The following BRAF variants were observed in gnomAD, a reference collection of about 807,000 sequenced individuals.
The protein encoded by BRAF is B-Raf proto-oncogene, serine/threonine kinase, also known as serine/threonine-protein kinase B-raf.
Under a neutral mutation model 104.6 loss-of-function variants are expected in BRAF, and 16 were observed. That is an observed-to-expected ratio of 0.15 (90% CI 0.10 to 0.23). BRAF has a LOEUF of 0.23. Among genes scored for constraint, BRAF ranks in the 10% least tolerant of loss-of-function variants. The pLI is 1.00. For synonymous variants in BRAF, 310 were observed against 341.6 expected (o/e 0.91, Z 1.02); for missense variants, 541 against 937.3 (o/e 0.58, Z 5.52).
intron 3 of BRAF, among the ~76,000 whole-genome samples, chr7:140,810,240 A>C (rs1469833347): frequency 6.6e-6 from 1 of 152,038 alleles, no homozygotes; most frequent in East Asian, 1.9e-4. Context: ...ATGACCAGAA[A>C]TAACAGGACG....
At chr7:140,853,017 T>G (rs1809352338) in intron 1 of BRAF, among the ~76,000 whole-genome samples, 1 of 152,206 alleles carries the variant, frequency 6.6e-6, no homozygotes, top group Non-Finnish European at 1.5e-5. Context: ...CACCCTGGTC[T>G]AAGCCACCTT....
At position 140,721,628 on chromosome 7, in the gene BRAF, G is replaced by C. The variant is rs1243970313; in HGVS notation, c.*4866C>G. 5 of 1,535,796 alleles carry C rather than the reference G, an allele frequency of 3.3e-6. No homozygotes were observed. The highest frequency in any genetic ancestry group is 4.4e-6 in the Non-Finnish European group (5 of 1,146,724). ...AAGCTACAAATCATCACCTGAGGCA[G>C]AGATGCTACTACCCTCTTCTGGGGC... On this transcript the variant is annotated 3_prime_UTR_variant, in exon 20 of 20. Coordinates refer to ENST00000644969, the MANE Select transcript of BRAF (RefSeq NM_001374258.1).
At chr7:140,742,478 AC>A in intron 17 of BRAF, among the ~76,000 whole-genome samples, 1 of 152,192 alleles carries the variant, frequency 6.6e-6, no homozygotes, top group South Asian at 2.1e-4. Flanking sequence ...ACAGGTGTGA[AC>A]CACCACGCCC....
At chr7:140,840,024 C>A (rs1025659557) in intron 2 of BRAF, among the ~76,000 whole-genome samples, 2 of 152,190 alleles carry the variant, frequency 1.3e-5, no homozygotes, top group Non-Finnish European at 2.9e-5. Context: ...CTCATTTCTG[C>A]CCCCGTGTAG....
intron 3 of BRAF, chr7:140,834,093 C>T (rs1025684946): frequency 6.0e-6 from 1 of 167,526 alleles, no homozygotes; most frequent in African/African-American, 2.4e-5. Context: ...TTATAGACCA[C>T]CCACAATAAT....
At chr7:140,736,046 G>A (rs1056599332) in intron 18 of BRAF, among the ~76,000 whole-genome samples, 5 of 150,554 alleles carry the variant, frequency 3.3e-5, no homozygotes, top group African/African-American at 1.2e-4. Context: ...GATAACCACT[G>A]TTAGAGTCTA....
intron 14 of BRAF, among the ~76,000 whole-genome samples, chr7:140,774,360 TAA>T (rs2129016470): frequency 6.6e-6 from 1 of 152,352 alleles, no homozygotes; most frequent in Admixed American, 6.5e-5. Context: ...TCCCAAACTG[TAA>T]AGTGATATTT....
rs1586019570 is a variant in BRAF at position 140,754,366 on chromosome 7, C to A, written c.1815-133G>T. ...ACTGAAAATAGTACATTGTAATAAA[C>A]CCTTCACAGAATATTAAAATAGACT... On this transcript the variant is annotated intron_variant, in intron 14 of 19. Coordinates refer to ENST00000644969, the MANE Select transcript of BRAF (RefSeq NM_001374258.1). 17 of 760,460 alleles carry A rather than the reference C, an allele frequency of 2.2e-5. 1 individual carries two copies. The highest frequency in any genetic ancestry group is 1.3e-4 in the South Asian group (9 of 68,494). The allele number at this position is 760,460 out of a possible 1,614,324, so 47.1% of individuals were successfully genotyped here.
Position 140,723,156 on chromosome 7 carries a change from G to C in BRAF, c.*3338C>G, listed in dbSNP as rs1241888015. On this transcript the variant is annotated 3_prime_UTR_variant, in exon 20 of 20. Coordinates refer to ENST00000644969, the MANE Select transcript of BRAF (RefSeq NM_001374258.1). The stretch of plus-strand genomic sequence containing the variant: ...CTAGAGATGAGGTTTGCAAGCAGCT[G>C]GCGGGTGGATGTACAGTGGGGACAG... The C allele has an allele frequency of 4.7e-6, 5 of 1,052,906 alleles. No homozygotes were observed. Among genetic ancestry groups the C allele is most frequent in the Non-Finnish European group, 5.7e-6 (5 of 871,806 alleles). The allele number at this position is 1,052,906 out of a possible 1,614,324, so 65.2% of individuals were successfully genotyped here. A position where few individuals can be genotyped will look rare whatever the true frequency, so the allele number is the denominator to read the frequency against.
intron 1 of BRAF, among the ~76,000 whole-genome samples, chr7:140,897,996 C>T (rs1221807876): frequency 6.6e-6 from 1 of 152,034 alleles, no homozygotes; most frequent in Non-Finnish European, 1.5e-5. Context: ...AGCCAGGAGT[C>T]GAGACCAGCC....
At chr7:140,852,386 C>A (rs370701249) in intron 1 of BRAF, among the ~76,000 whole-genome samples, 1 of 139,212 alleles carries the variant, frequency 7.2e-6, no homozygotes, top group South Asian at 2.4e-4. Context: ...ACCCCACAAC[C>A]TGCCAAAAAA....
intron 1 of BRAF, among the ~76,000 whole-genome samples, chr7:140,902,165 TGC>T (rs1217134825): frequency 6.6e-6 from 1 of 152,246 alleles, no homozygotes; most frequent in Non-Finnish European, 1.5e-5. Context: ...CAACAGCATA[TGC>T]TCACTTCATG....
At chr7:140,866,931 GA>G (rs374579589) in intron 1 of BRAF, among the ~76,000 whole-genome samples, 4,201 of 150,734 alleles carry the variant, frequency 0.028, 204 homozygotes, top group African/African-American at 0.095. Context: ...TGCATTCAAT[GA>G]AAAAAAAATC....
intron 1 of BRAF, among the ~76,000 whole-genome samples, chr7:140,908,989 C>CTTTTTTTTT (rs1224922004): frequency 1.7e-5 from 2 of 120,182 alleles, no homozygotes; most frequent in Non-Finnish European, 1.8e-5. Context: ...TCTACGTTTT[C>CTTTTTTTTT]TTTTTTTTTT....
intron 2 of BRAF, among the ~76,000 whole-genome samples, chr7:140,839,287 C>T (rs1807675480): frequency 6.6e-6 from 1 of 152,128 alleles, no homozygotes; most frequent in South Asian, 2.1e-4. Context: ...CCTGACTGGG[C>T]AACATAGACT....
intron 17 of BRAF, among the ~76,000 whole-genome samples, chr7:140,744,443 T>A (rs1797185477): frequency 6.6e-6 from 1 of 152,238 alleles, no homozygotes; most frequent in Admixed American, 6.5e-5. Flanking sequence ...TGATCTGTAT[T>A]CTTTCATTGT....
At position 140,721,180 on chromosome 7, in the gene BRAF, G is replaced by T; in HGVS notation, c.*5314C>A. 9.4e-7 allele frequency: 1 copy of T among 1,067,662 alleles called. No homozygotes were observed. Among genetic ancestry groups the T allele is most frequent in the East Asian group, 5.0e-5 (1 of 20,112 alleles). 66.1% of individuals were successfully genotyped at this position (1,067,662 alleles called of 1,614,324 possible). A position where few individuals can be genotyped will look rare whatever the true frequency, so the allele number is the denominator to read the frequency against. On this transcript the variant is annotated 3_prime_UTR_variant, in exon 20 of 20. Transcript: ENST00000644969. ...AATTATTCAAAATAGCTAAATAAAT[G>T]TCAACATTTTAATAAAGCTGATTTA...
At chr7:140,782,554 A>G (rs899088475) in intron 11 of BRAF, among the ~76,000 whole-genome samples, 4 of 152,156 alleles carry the variant, frequency 2.6e-5, no homozygotes, top group East Asian at 1.9e-4. Context: ...ACGGCTAAAC[A>G]GTATTCGTTT....
chr7:140,742,288 T>C (rs1796991636), intron 17 of BRAF, among the ~76,000 whole-genome samples: 1 of 151,874 alleles, frequency 6.6e-6, no homozygotes, highest in African/African-American at 2.4e-5. Context: ...CCTTCCTGGG[T>C]TCAAGAGATT....
Sources: gnomAD v4.1 joint callset for allele counts (sites outside exome capture counted in the v4.1 genomes callset) on GRCh38, gnomAD v4.1.1 for gene constraint, MANE v1.5 for transcripts, NCBI Gene and HGNC (gene_info 2026-07-23, HGNC 2026-07-21) for gene names.